GPHN: variants seen among roughly 807,000 people sequenced by gnomAD.
The protein encoded by GPHN is gephyrin.
In GPHN, 17 loss-of-function variants were observed where a neutral mutation model predicts 95.5. That is an observed-to-expected ratio of 0.18 (90% CI 0.12 to 0.27). GPHN has a LOEUF of 0.27. GPHN is among the 10% of genes least tolerant of loss of function. GPHN has a pLI of 1.00. For synonymous variants in GPHN, 320 were observed against 322.5 expected, an observed-to-expected ratio of 0.99 and a Z score of 0.08; for missense variants, 660 against 978.1, an observed-to-expected ratio of 0.67 and a Z score of 4.34.
At chr14:67,682,012 C>T in the GPHN span, among the ~76,000 whole-genome samples, 1 of 152,124 alleles carries the variant, frequency 6.6e-6, no homozygotes, top group African/African-American at 2.4e-5. Flanking sequence ...TGCCCTCTCA[C>T]CATGTGATGC....
At chr14:66,566,936 TA>T (rs1215563518) in intron 1 of GPHN, among the ~76,000 whole-genome samples, 1 of 152,136 alleles carries the variant, frequency 6.6e-6, no homozygotes, top group Non-Finnish European at 1.5e-5. Context: ...GGTGAAAATG[TA>T]ATACAGTAAC....
At chr14:67,007,829 A>G (rs1191355585) in intron 9 of GPHN, among the ~76,000 whole-genome samples, 2 of 152,188 alleles carry the variant, frequency 1.3e-5, no homozygotes, top group African/African-American at 2.4e-5. Flanking sequence ...CTGCAAATTA[A>G]TGATGAATGA....
At chr14:66,904,868 C>T (rs1596329573) in intron 5 of GPHN, among the ~76,000 whole-genome samples, 1 of 152,210 alleles carries the variant, frequency 6.6e-6, no homozygotes, top group East Asian at 1.9e-4. Flanking sequence ...TCATTCATGA[C>T]CTCTGATTGA....
At chr14:67,015,137 C>G (rs1031621068) in intron 9 of GPHN, among the ~76,000 whole-genome samples, 32 of 152,238 alleles carry the variant, frequency 2.1e-4, no homozygotes, top group African/African-American at 7.7e-4. Context: ...CATAAACAAG[C>G]TTTGATTTTC....
the GPHN span, among the ~76,000 whole-genome samples, chr14:67,220,413 G>A: frequency 6.6e-6 from 1 of 151,692 alleles, no homozygotes; most frequent in Non-Finnish European, 1.5e-5. Context: ...CTGCACTCTA[G>A]CCTGGGTAAC....
rs553832153 is a variant in GPHN, at chr14:66,801,637, C to A, written c.202-22837C>A. Among the ~76,000 whole-genome samples, 282 of 134,458 alleles carry A rather than the reference C, an allele frequency of 2.1e-3. 1 individual carries two copies. Among genetic ancestry groups the A allele is most frequent in the South Asian group, 3.5e-3 (12 of 3,474 alleles). 88.2% of individuals were successfully genotyped at this position (134,458 alleles called of 152,430 possible). On this transcript the variant is annotated intron_variant, in intron 3 of 22. Coordinates refer to ENST00000478722, the MANE Select transcript of GPHN (RefSeq NM_020806.5). ...CTCCCCTCCCCCCGCTCTCTCCCCC[C>A]TCTCTCTCCTTGAGCTACCTGGAGC...
chr14:66,935,414 T>A (rs1049058108), intron 8 of GPHN, among the ~76,000 whole-genome samples: 5 of 151,364 alleles, frequency 3.3e-5, no homozygotes, highest in Admixed American at 1.3e-4. Context: ...ACAATATTTT[T>A]ATCCATATCA....
chr14:67,527,545 G>T, the GPHN span, among the ~76,000 whole-genome samples: 14 of 152,334 alleles, frequency 9.2e-5, no homozygotes, highest in East Asian at 1.9e-3. Context: ...AGATTAGAAA[G>T]AAAGATTTCA....
chr14:67,356,343 C>T, the GPHN span, among the ~76,000 whole-genome samples: 1 of 151,716 alleles, frequency 6.6e-6, no homozygotes, highest in Non-Finnish European at 1.5e-5. Context: ...ATCACTTGAA[C>T]CTGGCAGGCA....
intron 1 of GPHN, among the ~76,000 whole-genome samples, chr14:66,560,132 G>C (rs1168182830): frequency 6.6e-6 from 1 of 152,064 alleles, no homozygotes; most frequent in Non-Finnish European, 1.5e-5. Flanking sequence ...ATGCTGTTTT[G>C]GTTACTGTAG....
intron 1 of GPHN, among the ~76,000 whole-genome samples, chr14:66,581,463 A>G (rs1381509722): frequency 6.6e-6 from 1 of 151,970 alleles, no homozygotes; most frequent in Non-Finnish European, 1.5e-5. Context: ...CTCTAACCAT[A>G]AAGGAAGACA....
At chr14:67,500,573 A>AT in the GPHN span, among the ~76,000 whole-genome samples, 31,023 of 138,820 alleles carry the variant, frequency 0.22, 3,591 homozygotes, top group African/African-American at 0.28. Flanking sequence ...GTGCATTTGG[A>AT]TTTTTTTTTT....
the GPHN span, among the ~76,000 whole-genome samples, chr14:67,415,432 C>G: frequency 6.6e-6 from 1 of 152,230 alleles, no homozygotes; most frequent in Non-Finnish European, 1.5e-5. Context: ...TGATAAATAT[C>G]TCTGTACATA....
chr14:67,486,123 T>C, the GPHN span, among the ~76,000 whole-genome samples: 2 of 152,238 alleles, frequency 1.3e-5, no homozygotes, highest in Admixed American at 6.5e-5. Flanking sequence ...ACAATCTGAA[T>C]GATATGGTTT....
chr14:67,262,824 A>G, the GPHN span, among the ~76,000 whole-genome samples: 3 of 152,164 alleles, frequency 2.0e-5, no homozygotes, highest in Admixed American at 2.0e-4. Flanking sequence ...TTATTCTCCA[A>G]CTAGGCCATA....
At chr14:67,383,502 T>G in the GPHN span, 4 of 1,599,016 alleles carry the variant, frequency 2.5e-6, no homozygotes, top group Non-Finnish European at 8.5e-7. Flanking sequence ...CTGTAAATCC[T>G]AGACTTGAAA....
chr14:66,756,696 A>G (rs1163001207), intron 2 of GPHN, among the ~76,000 whole-genome samples: 1 of 152,188 alleles, frequency 6.6e-6, no homozygotes, highest in Non-Finnish European at 1.5e-5. Context: ...CTAGTTCTTC[A>G]TTAATTAAGA....
At chr14:66,749,496 C>G (rs1001495205) in intron 2 of GPHN, among the ~76,000 whole-genome samples, 1 of 151,962 alleles carries the variant, frequency 6.6e-6, no homozygotes, top group Non-Finnish European at 1.5e-5. Context: ...CACATTCTTG[C>G]CAGCCTTTGG....
chr14:67,151,654 GT>G (rs941646731), intron 18 of GPHN, among the ~76,000 whole-genome samples: 7 of 151,964 alleles, frequency 4.6e-5, no homozygotes, highest in Non-Finnish European at 1.0e-4. Context: ...TTTTGTTTTT[GT>G]TTTTTTGAGA....
Sources: gnomAD v4.1 joint callset for allele counts (sites outside exome capture counted in the v4.1 genomes callset) on GRCh38, gnomAD v4.1.1 for gene constraint, MANE v1.5 for transcripts, NCBI Gene and HGNC (gene_info 2026-07-23, HGNC 2026-07-21) for gene names.